The following FREM1 variants were observed in gnomAD, a reference collection of about 807,000 sequenced individuals.
FREM1 encodes FRAS1 related extracellular matrix 1, also known as FRAS1-related extracellular matrix protein 1.
Under a neutral mutation model 210.1 loss-of-function variants are expected in FREM1, and 220 were observed. The observed-to-expected ratio is 1.05, with a 90% CI of 0.94 to 1.17. The LOEUF (loss-of-function observed/expected upper bound fraction) is 1.17, where lower values mean the gene tolerates loss of function less well. Among genes scored for constraint, FREM1 ranks in the 50% most tolerant of loss-of-function variants. FREM1 has a pLI of 0.00. For missense variants in FREM1, 3,454 were observed against 2,675.5 expected (o/e 1.29, Z -6.42); for synonymous variants, 1,189 against 980.2 (o/e 1.21, Z -3.98).
chr9:14,781,815 T>A (rs1310036026), intron 24 of FREM1, among the ~76,000 whole-genome samples: 4 of 152,214 alleles, frequency 2.6e-5, no homozygotes, highest in Non-Finnish European at 5.9e-5. Flanking sequence ...GCAATTCTCT[T>A]GCCACAGCCT....
chr9:14,762,464 GA>G (rs1845673970), intron 27 of FREM1, among the ~76,000 whole-genome samples: 1 of 152,188 alleles, frequency 6.6e-6, no homozygotes. Flanking sequence ...TCTAAATTCA[GA>G]AGGGAACCAT....
chr9:14,836,971 C>T lies in FREM1; in HGVS notation c.1881+4476G>A, dbSNP rs1006199875. Reference sequence around the variant, plus strand: ...TAGTTTTCGTCTTTTAAAGCATATCCGGAAAAGTTTCTTGTAAAGCCCCAG... The same window carrying T: ...TAGTTTTCGTCTTTTAAAGCATATCTGGAAAAGTTTCTTGTAAAGCCCCAG... On this transcript the variant is annotated intron_variant, in intron 10 of 36. Coordinates refer to ENST00000380880, the MANE Select transcript of FREM1 (RefSeq NM_001379081.2). The surrounding 1 kb of genome is among the most constrained non-coding windows in gnomAD (Gnocchi z 4.9). Among the ~76,000 whole-genome samples the T allele has an allele frequency of 3.3e-5, 5 of 152,128 alleles. No individual in the cohort carries two copies. The South Asian group carries it at 6.2e-4, about 19-fold the overall frequency.
In FREM1 at chr9:14,833,925, C is replaced by A. The variant is rs886166261; in HGVS notation, c.1881+7522G>T. Among the ~76,000 whole-genome samples, 3 of 152,262 alleles carry A rather than the reference C, an allele frequency of 2.0e-5. No individual in the cohort carries two copies. The East Asian group carries it at 5.8e-4, about 29-fold the overall frequency. On this transcript the variant is annotated intron_variant, in intron 10 of 36. Transcript: ENST00000380880. ...GGAAAAACAGAGGAGGTGCCACAGA[C>A]CCCGTTTTGTGGGGCAGTTGGGGGG...
At chr9:14,843,069 A>G (rs1348714195) in intron 8 of FREM1, among the ~76,000 whole-genome samples, 1 of 152,226 alleles carries the variant, frequency 6.6e-6, no homozygotes, top group African/African-American at 2.4e-5. Flanking sequence ...GATCACATTC[A>G]TCATTGTGGG....
intron 25 of FREM1, among the ~76,000 whole-genome samples, chr9:14,774,625 T>G (rs925212396): frequency 6.6e-6 from 1 of 151,908 alleles, no homozygotes; most frequent in Non-Finnish European, 1.5e-5. Context: ...AGAGATAAAT[T>G]TTATCTATTT....
intron 1 of FREM1, among the ~76,000 whole-genome samples, chr9:14,899,574 A>G (rs1480627373): frequency 6.6e-6 from 1 of 152,232 alleles, no homozygotes; most frequent in Non-Finnish European, 1.5e-5. Flanking sequence ...GTAGAAAATT[A>G]CATCGTATAA....
intron 1 of FREM1, among the ~76,000 whole-genome samples, chr9:14,876,503 T>C (rs1469702831): frequency 6.6e-6 from 1 of 152,220 alleles, no homozygotes; most frequent in Non-Finnish European, 1.5e-5. Flanking sequence ...TATAATCTCC[T>C]GGTGCGCCAT....
In FREM1 at chr9:14,801,690, G is replaced by A. The variant is rs370291465; in HGVS notation, c.3656C>T (p.Ala1219Val). 4 of 1,613,712 alleles carry A rather than the reference G, an allele frequency of 2.5e-6. No individual in the cohort carries two copies. Among genetic ancestry groups the A allele is most frequent in the African/African-American group, 2.7e-5 (2 of 74,926 alleles). The change falls in exon 20 of 37, where the codon GCA becomes GTA. Residue 1219 changes from alanine to valine, a missense_variant. By Grantham distance (64) the Ala-to-Val change is moderately conservative. Transcript: ENST00000380880. ...KQPANPHQKH[A>V]PVHSFSMELL... ...TTCCATGGAAAAGCTGTGAACAGGTGCATGTTTCTGGTGAGGGTTGGCTGG... is the reference window on the plus strand; with the variant it reads ...TTCCATGGAAAAGCTGTGAACAGGTACATGTTTCTGGTGAGGGTTGGCTGG...
chr9:14,827,245 G>T (rs1246452602), intron 10 of FREM1, among the ~76,000 whole-genome samples: 1 of 152,142 alleles, frequency 6.6e-6, no homozygotes, highest in Non-Finnish European at 1.5e-5. Flanking sequence ...CATACAAACA[G>T]TAAAGGCCCT....
At chr9:14,901,431 T>C (rs1003891630) in intron 1 of FREM1, among the ~76,000 whole-genome samples, 1 of 152,200 alleles carries the variant, frequency 6.6e-6, no homozygotes, top group African/African-American at 2.4e-5. Flanking sequence ...TTCTTTGACA[T>C]GTTCATGGAC....
At chr9:14,807,660 A>AAC (rs1818627868) in intron 17 of FREM1, among the ~76,000 whole-genome samples, 1 of 124,440 alleles carries the variant, frequency 8.0e-6, no homozygotes, top group Non-Finnish European at 1.8e-5. Flanking sequence ...TCCTTGTCCC[A>AAC]ACACACACAC....
chr9:14,787,725 G>A (rs1052015831), intron 23 of FREM1, among the ~76,000 whole-genome samples: 9 of 152,150 alleles, frequency 5.9e-5, no homozygotes, highest in African/African-American at 2.2e-4. Context: ...AAGTTGTGTT[G>A]TGCTGAGCCA....
intron 27 of FREM1, among the ~76,000 whole-genome samples, chr9:14,762,096 GC>G (rs1481925116): frequency 6.6e-6 from 1 of 152,062 alleles, no homozygotes; most frequent in African/African-American, 2.4e-5. Context: ...ATTAGTGTGT[GC>G]CTAAAGAATT....
chr9:14,862,912 T>G (rs1830830081), intron 3 of FREM1, among the ~76,000 whole-genome samples: 1 of 152,242 alleles, frequency 6.6e-6, no homozygotes. Flanking sequence ...TTTTGGCTGT[T>G]ATGAATAATG....
chr9:14,897,802 C>T (rs1409701824), intron 1 of FREM1, among the ~76,000 whole-genome samples: 2 of 152,018 alleles, frequency 1.3e-5, no homozygotes, highest in Non-Finnish European at 2.9e-5. Context: ...GTATGTTGCC[C>T]AGGCTGGTCT....
At chr9:14,741,219 T>A (rs1011464571) in intron 35 of FREM1, among the ~76,000 whole-genome samples, 3 of 152,186 alleles carry the variant, frequency 2.0e-5, no homozygotes, top group Admixed American at 1.3e-4. Context: ...GAAACAAAAT[T>A]AGCAACACAT....
At chr9:14,846,744 A>G (rs1826692611) in intron 7 of FREM1, among the ~76,000 whole-genome samples, 1 of 152,212 alleles carries the variant, frequency 6.6e-6, no homozygotes, top group African/African-American at 2.4e-5. Flanking sequence ...CCTGAAAGGG[A>G]GCAGAGCAAG....
Position 14,883,244 on chromosome 9 carries a change from T to C in FREM1, c.-267-14000A>G, listed in dbSNP as rs143719649. ...AAATTTTGATATTTCAAAAACAACCTGAAGCAACACAGTTAGGAGGGGGGA... is the reference window on the plus strand; with the variant it reads ...AAATTTTGATATTTCAAAAACAACCCGAAGCAACACAGTTAGGAGGGGGGA... On this transcript the variant is annotated intron_variant, in intron 1 of 36. Transcript: ENST00000380880. Among the ~76,000 whole-genome samples the C allele has an allele frequency of 3.3e-3, 495 of 152,116 alleles. 5 individuals are homozygous for C. Among genetic ancestry groups the C allele is most frequent in the East Asian group, 0.025 (130 of 5,178 alleles).
chr9:14,804,189 T>C (rs1239148994), intron 19 of FREM1, among the ~76,000 whole-genome samples: 1 of 152,064 alleles, frequency 6.6e-6, no homozygotes, highest in Non-Finnish European at 1.5e-5. Context: ...AATATGGTTA[T>C]CTAAAAAAAA....
Sources: allele counts gnomAD v4.1 joint callset (sites outside exome capture counted in the v4.1 genomes callset), GRCh38; gene constraint gnomAD v4.1.1; non-coding constraint Gnocchi (gnomAD v3.1); transcripts MANE v1.5; gene names NCBI Gene and HGNC (gene_info 2026-07-23, HGNC 2026-07-21).